OSTM1: variants seen among roughly 807,000 people sequenced by gnomAD.
The protein encoded by OSTM1 is osteopetrosis-associated transmembrane protein 1.
Under a neutral mutation model 35.4 loss-of-function variants are expected in OSTM1, and 26 were observed. The ratio of observed to expected loss-of-function variants is 0.73; its 90% confidence interval spans 0.54 to 1.02. OSTM1 has a LOEUF of 1.02. Among genes scored for constraint, OSTM1 ranks in the 50% least tolerant of loss-of-function variants. The pLI, the probability that OSTM1 is intolerant of heterozygous loss-of-function variation, is 0.00. For missense variants in OSTM1, 366 were observed against 409.6 expected (o/e 0.89, Z 0.92); for synonymous variants, 181 against 165.0 (o/e 1.10, Z -0.75).
chr6:108,049,536 A>C, intron 4 of OSTM1, 118 bp from the exon 5 acceptor site: 25 of 1,520,978 alleles, frequency 1.6e-5, no homozygotes, highest in Non-Finnish European at 2.2e-5. Context: ...ACATACCTCT[A>C]AAAACCTACT....
intron 5 of OSTM1, among the ~76,000 whole-genome samples, chr6:108,046,924 C>T (rs918858373): frequency 1.3e-5 from 2 of 152,130 alleles, no homozygotes; most frequent in Non-Finnish European, 2.9e-5. Context: ...AGTACATACA[C>T]CTACATCTTC....
At chr6:108,050,358 CTTTTTTT>C (rs759901355) in intron 4 of OSTM1, among the ~76,000 whole-genome samples, 5 of 104,820 alleles carry the variant, frequency 4.8e-5, no homozygotes, top group Admixed American at 1.2e-4. Flanking sequence ...CCAGAAACGT[CTTTTTTT>C]TTTTTTTTTT....
chr6:108,044,822 C>A lies in OSTM1; in HGVS notation c.968G>T (p.Ser323Ile). Reference protein sequence around the residue: ...KLILPKRLKSSTSFANIQENS... With the variant: ...KLILPKRLKSITSFANIQENS... Reference sequence around the variant, plus strand: ...TTCCTGAATATTTGCAAAACTGGTACTGGACTTGAGACGTTTGGCTAGATA... The same window carrying A: ...TTCCTGAATATTTGCAAAACTGGTAATGGACTTGAGACGTTTGGCTAGATA... Residue 323 changes from serine (S) to isoleucine (I), a missense_variant, in exon 6 of 6, where the codon AGT becomes ATT. Around this residue, in one of 3 missense-constraint regions of OSTM1, gnomAD observed 125 missense variants for 151.7 expected, o/e 0.82. Coordinates refer to ENST00000193322, the MANE Select transcript of OSTM1 (RefSeq NM_014028.4). The A allele has an allele frequency of 6.4e-7, 1 of 1,573,654 alleles. No individual in the cohort carries two copies. Among genetic ancestry groups the A allele is most frequent in the Non-Finnish European group, 8.7e-7 (1 of 1,149,306 alleles).
chr6:108,049,259 T>G lies in OSTM1; in HGVS notation c.943A>C (p.Ile315Leu). The G allele has an allele frequency of 6.2e-7, 1 of 1,608,134 alleles. No individual in the cohort carries two copies. The highest frequency in any genetic ancestry group is 8.5e-7 in the Non-Finnish European group (1 of 1,175,034). Residue 315 changes from isoleucine to leucine, a missense_variant, in exon 5 of 6, where the codon ATT becomes CTT. Physicochemically the swap from Ile to Leu is conservative, Grantham distance 5. Transcript: ENST00000193322. ...ATAATTGTAAAAAACTTACGCAGAA[T>G]GAGTTTGCGTTTCTTTTGCTCTGAG... ...LHSEQKKRKL[I>L]LPKRLKSSTS... is the part of the protein sequence containing the mutation.
At chr6:108,053,967 CAA>C (rs1269196899) in intron 3 of OSTM1, among the ~76,000 whole-genome samples, 1 of 152,174 alleles carries the variant, frequency 6.6e-6, no homozygotes, top group Non-Finnish European at 1.5e-5. Flanking sequence ...TACCAAAATT[CAA>C]GAGTCAGAGA....
rs1344283570 is a variant in OSTM1, at chr6:108,043,453, G to C, written c.*1332C>G. 6.6e-6 allele frequency: 1 copy of C among 152,126 alleles called. No individual in the cohort carries two copies. The highest frequency in any genetic ancestry group is 1.9e-4 in the East Asian group (1 of 5,202). The allele number at this position is 152,126 out of a possible 1,614,324, so 9.4% of individuals were successfully genotyped here. ...CCCTATAGAGCATTTTATAGTATAG[G>C]AAGGGATTCAAATTCTCTTTTTAAC... On this transcript the variant is annotated 3_prime_UTR_variant, in exon 6 of 6. Coordinates refer to ENST00000193322, the MANE Select transcript of OSTM1 (RefSeq NM_014028.4).
intron 1 of OSTM1, among the ~76,000 whole-genome samples, chr6:108,072,324 AATTT>A (rs1772499083): frequency 6.6e-6 from 1 of 152,116 alleles, no homozygotes; most frequent in Non-Finnish European, 1.5e-5. Flanking sequence ...TGTAAGCCTG[AATTT>A]ATTTACCTCG....
chr6:108,050,942 T>C (rs1772064425), intron 4 of OSTM1, 89 bp downstream of exon 4: 24 of 1,103,390 alleles, frequency 2.2e-5, no homozygotes, highest in Non-Finnish European at 3.0e-5. Context: ...ATATGCAGAT[T>C]CCACCCTATC....
chr6:108,069,106 C>G (rs974335893), intron 1 of OSTM1, among the ~76,000 whole-genome samples: 58 of 152,200 alleles, frequency 3.8e-4, no homozygotes, highest in African/African-American at 1.4e-3. Flanking sequence ...GATCAGCACT[C>G]TTGTCATATG....
intron 3 of OSTM1, among the ~76,000 whole-genome samples, chr6:108,052,605 T>C (rs1259241005): frequency 6.8e-6 from 1 of 147,388 alleles, no homozygotes; most frequent in African/African-American, 2.5e-5. Flanking sequence ...CACCTCAACC[T>C]TCCAAAGTGC....
chr6:108,065,557 G>A (rs929048871), intron 1 of OSTM1, among the ~76,000 whole-genome samples: 2 of 152,104 alleles, frequency 1.3e-5, no homozygotes, highest in Non-Finnish European at 2.9e-5. Context: ...TTCTTAAGTA[G>A]AAGTAATAAT....
chr6:108,054,462 T>A, intron 3 of OSTM1, 28 bp downstream of exon 3: 2 of 1,049,512 alleles, frequency 1.9e-6, no homozygotes, highest in South Asian at 1.4e-5. Context: ...AGGCAGCATT[T>A]TAATTTTAAA....
At chr6:108,065,857 C>CAGT (rs1772367529) in intron 1 of OSTM1, among the ~76,000 whole-genome samples, 1 of 152,124 alleles carries the variant, frequency 6.6e-6, no homozygotes, top group East Asian at 1.9e-4. Flanking sequence ...AAAATCAATA[C>CAGT]AGTAGAGCCT....
intron 5 of OSTM1, among the ~76,000 whole-genome samples, chr6:108,046,112 C>T (rs889404165): frequency 1.3e-5 from 2 of 151,490 alleles, no homozygotes; most frequent in African/African-American, 4.9e-5. Flanking sequence ...CACCATTCTC[C>T]TGCCTCAGCC....
At position 108,044,490 on chromosome 6, in the gene OSTM1, G is replaced by T. The variant is rs1344428817; in HGVS notation, c.*295C>A. The T allele has an allele frequency of 4.6e-6, 1 of 218,362 alleles. No individual in the cohort carries two copies. The highest frequency in any genetic ancestry group is 8.9e-6 in the Non-Finnish European group (1 of 111,736). 13.5% of individuals were successfully genotyped at this position (218,362 alleles called of 1,614,324 possible). A position where few individuals can be genotyped will look rare whatever the true frequency, so the allele number is the denominator to read the frequency against. ...AAGAAGATACCAGAAGTCTAGAATA[G>T]TAATCAAATGCCTATAAAATAAAAT... On this transcript the variant is annotated 3_prime_UTR_variant, in exon 6 of 6. Transcript: ENST00000193322.
intron 5 of OSTM1, among the ~76,000 whole-genome samples, chr6:108,047,256 C>A (rs1771992501): frequency 6.6e-6 from 1 of 152,048 alleles, no homozygotes; most frequent in Non-Finnish European, 1.5e-5. Flanking sequence ...TTGCAAGAAG[C>A]CAGGTAAGTA....
At chr6:108,070,866 G>A (rs1423499475) in intron 1 of OSTM1, among the ~76,000 whole-genome samples, 11 of 146,240 alleles carry the variant, frequency 7.5e-5, no homozygotes, top group Non-Finnish European at 1.3e-4. Flanking sequence ...CTCCAGCCTG[G>A]GTAACAAGAG....
chr6:108,067,947 G>A (rs982088847), intron 1 of OSTM1, among the ~76,000 whole-genome samples: 2 of 151,594 alleles, frequency 1.3e-5, no homozygotes, highest in African/African-American at 4.8e-5. Flanking sequence ...CTCTTCAGCA[G>A]TTGTCTAGGT....
chr6:108,051,369 A>G (rs2114593461), intron 3 of OSTM1, among the ~76,000 whole-genome samples, 171 bp from the exon 4 acceptor site: 1 of 152,326 alleles, frequency 6.6e-6, no homozygotes, highest in Non-Finnish European at 1.5e-5. Flanking sequence ...TTTATCATCT[A>G]TAAAATAAAA....
Sources: allele counts gnomAD v4.1 joint callset (sites outside exome capture counted in the v4.1 genomes callset), GRCh38; gene constraint gnomAD v4.1.1; regional missense constraint gnomAD v4.1.1; transcripts MANE v1.5; gene names NCBI Gene and HGNC (gene_info 2026-07-23, HGNC 2026-07-21).